The following EYA2 variants were observed in gnomAD, a reference collection of about 807,000 sequenced individuals.
The protein encoded by EYA2 is EYA transcriptional coactivator and phosphatase 2, also known as protein phosphatase EYA2.
Under a neutral mutation model 69.2 loss-of-function variants are expected in EYA2, and 31 were observed. The observed-to-expected ratio is 0.45, with a 90% CI of 0.34 to 0.60. EYA2 has a LOEUF of 0.60. EYA2 is among the 20% of genes least tolerant of loss of function. EYA2 has a pLI of 0.02. For synonymous variants in EYA2, 257 were observed against 279.4 expected (o/e 0.92, Z 0.80); for missense variants, 622 against 701.2 (o/e 0.89, Z 1.28).
chr20:46,964,295 T>C (rs1446620283), intron 1 of EYA2, among the ~76,000 whole-genome samples: 1 of 152,058 alleles, frequency 6.6e-6, no homozygotes, highest in Non-Finnish European at 1.5e-5. Context: ...CAAGGTCAGA[T>C]GTATGTTTAA....
chr20:46,956,212 G>C (rs137999307), intron 1 of EYA2, among the ~76,000 whole-genome samples: 4 of 152,326 alleles, frequency 2.6e-5, no homozygotes, highest in African/African-American at 7.2e-5. Flanking sequence ...CACCTGCTTA[G>C]CATCTGATTT....
At chr20:47,005,252 C>T (rs1473218319) in intron 4 of EYA2, among the ~76,000 whole-genome samples, 168 bp downstream of exon 4, 1 of 152,186 alleles carries the variant, frequency 6.6e-6, no homozygotes, top group Non-Finnish European at 1.5e-5. Context: ...AATTCTATAG[C>T]CTATAATATC....
intron 3 of EYA2, among the ~76,000 whole-genome samples, chr20:47,004,658 A>G (rs1158056595): frequency 1.3e-5 from 2 of 152,092 alleles, no homozygotes; most frequent in South Asian, 2.1e-4. Context: ...GTTGCGGGGG[A>G]TGTGTTCATT....
At chr20:46,984,159 A>G (rs1981024080) in intron 1 of EYA2, among the ~76,000 whole-genome samples, 1 of 152,222 alleles carries the variant, frequency 6.6e-6, no homozygotes, top group Admixed American at 6.5e-5. Context: ...TTCTAAGTGA[A>G]TAGTTTAACA....
At chr20:47,022,246 T>C (rs1983799637) in intron 5 of EYA2, among the ~76,000 whole-genome samples, 1 of 152,192 alleles carries the variant, frequency 6.6e-6, no homozygotes, top group African/African-American at 2.4e-5. Flanking sequence ...CCTTCCTTTA[T>C]GAACGTTCTT....
In EYA2 at chr20:47,098,367, C is replaced by T. The variant is rs555117078; in HGVS notation, c.888+1199C>T. On this transcript the variant is annotated intron_variant, in intron 9 of 15. Transcript: ENST00000327619. ...CACAGTAGTAAGTTGCCTGCTAAGT[C>T]GTGGTGTTTTATGGTTTTCCTAACC... Among the ~76,000 whole-genome samples the T allele has an allele frequency of 3.3e-5, 5 of 152,300 alleles. No homozygotes were observed. The East Asian group carries it at 7.7e-4, about 23-fold the overall frequency.
At chr20:47,182,794 A>AGGTGT (rs1199969273) in intron 14 of EYA2, among the ~76,000 whole-genome samples, 1 of 151,538 alleles carries the variant, frequency 6.6e-6, no homozygotes, top group East Asian at 1.9e-4. Context: ...AAAATTAGCC[A>AGGTGT]GGTGTGGTGA....
intron 9 of EYA2, among the ~76,000 whole-genome samples, chr20:47,126,611 A>C (rs1212779726): frequency 6.6e-6 from 1 of 152,122 alleles, no homozygotes; most frequent in African/African-American, 2.4e-5. Context: ...TCTTAGTTAG[A>C]AAGCTGGTTT....
At position 47,016,134 on chromosome 20, in the gene EYA2, C is replaced by T. The variant is rs746729679; in HGVS notation, c.299-47C>T. ...CTTTTGTGGGTGACAAGGACGCATC[C>T]TAATCATGTGTCCTTGGTCCTTTTT... On this transcript the variant is annotated intron_variant, in intron 4 of 15. Transcript: ENST00000327619. 51 of 1,367,978 alleles carry T rather than the reference C, an allele frequency of 3.7e-5. No homozygotes were observed. In the South Asian group the frequency reaches 5.6e-4, roughly 15 times the overall value. The allele number at this position is 1,367,978 out of a possible 1,614,324, so 84.7% of individuals were successfully genotyped here. A position where few individuals can be genotyped will look rare whatever the true frequency, so the allele number is the denominator to read the frequency against.
At chr20:46,914,045 G>C (rs139544928) in intron 1 of EYA2, among the ~76,000 whole-genome samples, 13 of 152,122 alleles carry the variant, frequency 8.5e-5, no homozygotes, top group African/African-American at 2.4e-4. Flanking sequence ...TCTCAGTCCC[G>C]TTCCTCCTCT....
intron 1 of EYA2, among the ~76,000 whole-genome samples, chr20:46,910,557 A>G (rs959775747): frequency 9.2e-5 from 14 of 152,306 alleles, no homozygotes; most frequent in African/African-American, 3.4e-4. Context: ...TCAGAGGATA[A>G]GTGAGAGATG....
chr20:47,112,862 CTTTTTTTTTTTTTT>C (rs11473217), intron 9 of EYA2, among the ~76,000 whole-genome samples: 2,102 of 55,904 alleles, frequency 0.038, 87 homozygotes, highest in African/African-American at 0.11. Flanking sequence ...ATGTTCACTC[CTTTTTTTTTTTTTT>C]TTTTTTTTTT....
intron 10 of EYA2, among the ~76,000 whole-genome samples, chr20:47,166,451 G>A (rs761434831): frequency 4.5e-5 from 4 of 88,832 alleles, no homozygotes; most frequent in Non-Finnish European, 9.0e-5. Context: ...TTGTCCAATT[G>A]TCTAAAAAGA....
chr20:47,064,017 G>A (rs1346730634), intron 5 of EYA2, among the ~76,000 whole-genome samples: 1 of 152,134 alleles, frequency 6.6e-6, no homozygotes, highest in Non-Finnish European at 1.5e-5. Context: ...GTGCAGTGGC[G>A]CCATCTGGGC....
At chr20:46,939,727 T>C (rs750264843) in intron 1 of EYA2, among the ~76,000 whole-genome samples, 6 of 152,188 alleles carry the variant, frequency 3.9e-5, no homozygotes, top group Non-Finnish European at 7.3e-5. Context: ...GTCTCCTCTA[T>C]TTGTAAGAGT....
chr20:46,971,567 C>T (rs1980148525), intron 1 of EYA2, among the ~76,000 whole-genome samples: 1 of 152,168 alleles, frequency 6.6e-6, no homozygotes, highest in South Asian at 2.1e-4. Flanking sequence ...TAGCTGAGTG[C>T]CCTGCTAAGA....
At chr20:47,156,571 G>A (rs746661456) in intron 10 of EYA2, among the ~76,000 whole-genome samples, 6 of 151,924 alleles carry the variant, frequency 3.9e-5, no homozygotes, top group Non-Finnish European at 8.8e-5. Context: ...GTTGCTAAAC[G>A]TGTGATTTAT....
chr20:46,933,976 G>C (rs1985789136), intron 1 of EYA2, among the ~76,000 whole-genome samples: 1 of 152,240 alleles, frequency 6.6e-6, no homozygotes, highest in Non-Finnish European at 1.5e-5. Context: ...CCCTGTTCTG[G>C]TTGCTGGGAA....
At chr20:46,919,838 C>T (rs1349643702) in intron 1 of EYA2, among the ~76,000 whole-genome samples, 1 of 152,210 alleles carries the variant, frequency 6.6e-6, no homozygotes, top group Non-Finnish European at 1.5e-5. Context: ...TCGTTTCTAG[C>T]TTTTGATTTA....
Sources: gnomAD v4.1 joint callset for allele counts (sites outside exome capture counted in the v4.1 genomes callset) on GRCh38, gnomAD v4.1.1 for gene constraint, MANE v1.5 for transcripts, NCBI Gene and HGNC (gene_info 2026-07-23, HGNC 2026-07-21) for gene names.